Variants in DGKD observed in about 807,000 individuals in gnomAD.
DGKD encodes the protein diacylglycerol kinase delta.
Under a neutral mutation model 154.4 loss-of-function variants are expected in DGKD, and 68 were observed. The ratio of observed to expected loss-of-function variants is 0.44; its 90% CI spans 0.36 to 0.54. The LOEUF is 0.54. DGKD is among the 20% of genes least tolerant of loss of function. The pLI is 0.00. For synonymous variants in DGKD, 693 were observed against 638.0 expected, an observed-to-expected ratio of 1.09 and a Z score of -1.30; for missense variants, 1,343 against 1,593.6, an observed-to-expected ratio of 0.84 and a Z score of 2.68.
rs1351861747 is a variant in DGKD at position 233,469,977 on chromosome 2, C to G, written c.*517C>G. On this transcript the variant is annotated 3_prime_UTR_variant, in exon 30 of 30. Transcript: ENST00000264057. ...GATGCAGCTTTTGTTGAACAAAAATCGTGCTCTTTCCTGGTTTGAAAGTAG... is the reference window on the plus strand; with the variant it reads ...GATGCAGCTTTTGTTGAACAAAAATGGTGCTCTTTCCTGGTTTGAAAGTAG... 1 of 152,810 alleles carries G rather than the reference C, an allele frequency of 6.5e-6. No homozygotes were observed. Among genetic ancestry groups the G allele is most frequent in the Non-Finnish European group, 1.5e-5 (1 of 68,430 alleles). 9.5% of individuals were successfully genotyped at this position (152,810 alleles called of 1,614,324 possible).
chr2:233,451,176 G>C, intron 17 of DGKD, 126 bp downstream of exon 17: 46 of 511,342 alleles, frequency 9.0e-5, no homozygotes, highest in East Asian at 1.9e-4. Flanking sequence ...AGGTGGAATT[G>C]AAAAATTTAC....
chr2:233,446,879 T>A, intron 12 of DGKD, 83 bp downstream of exon 12: 12 of 1,487,678 alleles, frequency 8.1e-6, no homozygotes, highest in Non-Finnish European at 1.1e-5. Context: ...TCACCTCCCT[T>A]GCAGAGACGC....
rs117447187 is a variant in DGKD, at chr2:233,437,624, T to C, written c.922+145T>C. On this transcript the variant is annotated intron_variant, in intron 8 of 29. Coordinates refer to ENST00000264057, the MANE Select transcript of DGKD (RefSeq NM_152879.3). ...ACAGCTGTTGGGGGTGCTGGAGGAG[T>C]TGCACAGAGCGGCACACGGCGCCCT... 1,289 of 819,214 alleles carry C rather than the reference T, an allele frequency of 1.6e-3. 7 individuals are homozygous for C. In the East Asian group the frequency reaches 0.02, roughly 13 times the overall value. 50.7% of individuals were successfully genotyped at this position (819,214 alleles called of 1,614,324 possible).
At chr2:233,455,012 G>A (rs115241425) in intron 19 of DGKD, 139 bp downstream of exon 19, 89 of 585,202 alleles carry the variant, frequency 1.5e-4, no homozygotes, top group Admixed American at 4.1e-4. Flanking sequence ...AGCCCAGATC[G>A]CCTTGTCAGA....
intron 1 of DGKD, chr2:233,385,918 T>C (rs1285469702): frequency 2.1e-6 from 1 of 470,968 alleles, no homozygotes; most frequent in Non-Finnish European, 4.4e-6. Context: ...ACTCTTGTTA[T>C]AAATAAAGCA....
intron 1 of DGKD, among the ~76,000 whole-genome samples, chr2:233,361,391 C>T (rs1382221830): frequency 6.6e-6 from 1 of 152,176 alleles, no homozygotes; most frequent in African/African-American, 2.4e-5. Context: ...CTAATCCTCC[C>T]AGTTATCAAT....
In DGKD at chr2:233,440,411, A is replaced by T. The variant is rs2062847123; in HGVS notation, c.1086-1476A>T. Among the ~76,000 whole-genome samples, 1 of 152,132 alleles carries T rather than the reference A, an allele frequency of 6.6e-6. No individual in the cohort carries two copies. Among genetic ancestry groups the T allele is most frequent in the African/African-American group, 2.4e-5 (1 of 41,418 alleles). ...GGGTGCGCAGGTGAGCCAGGCGGGGAGTGCAGATGCAGGGAATGGGTAGGA... is the reference window on the plus strand; with the variant it reads ...GGGTGCGCAGGTGAGCCAGGCGGGGTGTGCAGATGCAGGGAATGGGTAGGA... On this transcript the variant is annotated intron_variant, in intron 9 of 29. Transcript: ENST00000264057. The surrounding 1 kb of genome is among the most constrained non-coding windows in gnomAD (Gnocchi z 4.9).
Position 233,469,387 on chromosome 2 carries a change from A to C in DGKD, c.3572A>C (p.Lys1191Thr). The C allele has an allele frequency of 6.2e-7, 1 of 1,612,312 alleles. No homozygotes were observed. The highest frequency in any genetic ancestry group is 8.5e-7 in the Non-Finnish European group (1 of 1,179,408). ...RRDLKDLGVT[K>T]VGHMKRILCG... ...CTGTTGCAGGACCTGGGCGTGACCA[A>C]GGTGGGCCACATGAAGAGGATCCTG... The change falls in exon 30 of 30, where the codon AAG becomes ACG. Residue 1191 changes from lysine to threonine, a missense_variant. By Grantham distance (78) the Lys-to-Thr change is moderately conservative (BLOSUM62 -1). Coordinates refer to ENST00000264057, the MANE Select transcript of DGKD (RefSeq NM_152879.3).
intron 3 of DGKD, among the ~76,000 whole-genome samples, chr2:233,403,733 G>A (rs2061613717): frequency 6.6e-6 from 1 of 150,678 alleles, no homozygotes; most frequent in Admixed American, 6.6e-5. Flanking sequence ...TCTGCCTCCC[G>A]GGTTCAAGCA....
In DGKD at chr2:233,438,500, G is replaced by C; in HGVS notation, c.1085+121G>C. The C allele has an allele frequency of 1.6e-6, 2 of 1,251,088 alleles. No individual in the cohort carries two copies. The highest frequency in any genetic ancestry group is 2.2e-6 in the Non-Finnish European group (2 of 918,476). 77.5% of individuals were successfully genotyped at this position (1,251,088 alleles called of 1,614,324 possible). Reference sequence around the variant, plus strand: ...TTAAATAGGAAAGAAAAGTTGAACTGCTTCCTTCCCAAATTGCACTTGCAG... The same window carrying C: ...TTAAATAGGAAAGAAAAGTTGAACTCCTTCCTTCCCAAATTGCACTTGCAG... On this transcript the variant is annotated intron_variant, in intron 9 of 29. Coordinates refer to ENST00000264057, the MANE Select transcript of DGKD (RefSeq NM_152879.3). The surrounding 1 kb of genome is among the most constrained non-coding windows in gnomAD (Gnocchi z 4.1).
intron 3 of DGKD, among the ~76,000 whole-genome samples, chr2:233,430,059 A>G (rs1319108576): frequency 1.3e-5 from 2 of 152,272 alleles, no homozygotes; most frequent in African/African-American, 4.8e-5. Flanking sequence ...ATGTGCCGAA[A>G]TCTAAAAGTT....
In DGKD at chr2:233,457,264, C is replaced by T; in HGVS notation, c.2516C>T (p.Ala839Val). Residue 839 changes from alanine to valine, a missense_variant, in exon 21 of 30, where the codon GCT becomes GTT. This residue lies in a region of DGKD where 60 missense variants were observed against 112.4 expected (regional missense o/e 0.53). Coordinates refer to ENST00000264057, the MANE Select transcript of DGKD (RefSeq NM_152879.3). This position sits in a 1 kb window ranked among gnomAD's most constrained non-coding sequence, Gnocchi z 5.5. ...CCACTCCCCAGTCTTCAGGGAATTG[C>T]TGTCCTTAACATTCCCAGCTATGCC... ...PIPLPSLQGI[A>V]VLNIPSYAGG... 1 of 1,524,794 alleles carries T rather than the reference C, an allele frequency of 6.6e-7. No individual in the cohort carries two copies. The highest frequency in any genetic ancestry group is 8.8e-7 in the Non-Finnish European group (1 of 1,137,080). The allele number at this position is 1,524,794 out of a possible 1,614,324, so 94.5% of individuals were successfully genotyped here. A position where few individuals can be genotyped will look rare whatever the true frequency, so the allele number is the denominator to read the frequency against.
At chr2:233,388,459 G>A in intron 2 of DGKD, 92 bp downstream of exon 2, 1 of 1,262,632 alleles carries the variant, frequency 7.9e-7, no homozygotes, top group Non-Finnish European at 1.1e-6. Flanking sequence ...TGTGGGAAAA[G>A]CTTCAATTCT....
intron 3 of DGKD, among the ~76,000 whole-genome samples, chr2:233,410,456 C>T (rs2061799919): frequency 1.3e-5 from 2 of 152,142 alleles, no homozygotes; most frequent in South Asian, 4.1e-4. Flanking sequence ...TGATGGTTTG[C>T]TTTAAGGTAT....
Position 233,450,902 on chromosome 2 carries a change from T to C in DGKD, c.2039-20T>C. On this transcript the variant is annotated intron_variant, in intron 16 of 29. Transcript: ENST00000264057. ...TCTCTATTCCACACAGCTGTAAGGTTTTCTGCTGTGTTGTTACAGTGTCGA... is the reference window on the plus strand; with the variant it reads ...TCTCTATTCCACACAGCTGTAAGGTCTTCTGCTGTGTTGTTACAGTGTCGA... 1.3e-6 allele frequency: 2 copies of C among 1,590,602 alleles called. No individual in the cohort carries two copies. Among genetic ancestry groups the C allele is most frequent in the Non-Finnish European group, 1.7e-6 (2 of 1,160,366 alleles).
chr2:233,463,409 G>GCATCTCCTCACTCCACA (rs1559183565), intron 26 of DGKD, among the ~76,000 whole-genome samples: 4 of 129,260 alleles, frequency 3.1e-5, no homozygotes, highest in Admixed American at 1.5e-4. Context: ...CTCACTCCAC[G>GCATCTCCTCACTCCACA]CATCTCCTCA....
In DGKD at chr2:233,467,208, C is replaced by T. The variant is rs770698863; in HGVS notation, c.3424+5C>T. On this transcript the variant is annotated splice_donor_5th_base_variant and intron_variant, in intron 28 of 29. Coordinates refer to ENST00000264057, the MANE Select transcript of DGKD (RefSeq NM_152879.3). The stretch of plus-strand genomic sequence containing the variant: ...ACAGTAGCCTGGGAGCCCCGGGTAC[C>T]TGCCTCTCTCCCGCGTGTGTTTCTG... 3.1e-5 allele frequency: 49 copies of T among 1,596,498 alleles called. No homozygotes were observed. The highest frequency in any genetic ancestry group is 4.1e-5 in the Non-Finnish European group (48 of 1,164,030).
intron 3 of DGKD, among the ~76,000 whole-genome samples, chr2:233,413,348 G>C (rs936313452): frequency 6.6e-6 from 1 of 151,992 alleles, no homozygotes; most frequent in African/African-American, 2.4e-5. Flanking sequence ...CCAGTGAAAT[G>C]ATGTAGGTAT....
intron 3 of DGKD, among the ~76,000 whole-genome samples, chr2:233,429,812 C>G (rs1023451579): frequency 4.6e-5 from 7 of 152,250 alleles, no homozygotes; most frequent in Admixed American, 1.3e-4. Context: ...CTGCTGCTTC[C>G]CACGCCCAGC....
Sources: gnomAD v4.1 joint callset for allele counts (sites outside exome capture counted in the v4.1 genomes callset) on GRCh38, gnomAD v4.1.1 for gene constraint, gnomAD v4.1.1 regional missense constraint, Gnocchi (gnomAD v3.1) non-coding constraint, MANE v1.5 for transcripts, NCBI Gene and HGNC (gene_info 2026-07-23, HGNC 2026-07-21) for gene names.